CCDC195: variants seen among roughly 807,000 people sequenced by gnomAD.
The protein encoded by CCDC195 is coiled-coil domain-containing protein 195.
At chr2:224,705,171 G>A (rs1258867546) in intron 2 of CCDC195, among the ~76,000 whole-genome samples, 2 of 152,086 alleles carry the variant, frequency 1.3e-5, no homozygotes, top group Admixed American at 1.3e-4. Flanking sequence ...TGGAATTTTG[G>A]CCATCTGATT....
At chr2:224,710,446 T>G (rs570478571) in intron 1 of CCDC195, among the ~76,000 whole-genome samples, 1 of 152,280 alleles carries the variant, frequency 6.6e-6, no homozygotes, top group South Asian at 2.1e-4. Context: ...ATGGTGACCA[T>G]CCTGGCCAAT....
rs556725892 is a variant in CCDC195, at chr2:224,713,172, C to T, written c.236-2953G>A. Among the ~76,000 whole-genome samples the T allele has an allele frequency of 7.6e-4, 115 of 152,164 alleles. 4 individuals are homozygous for T. The South Asian group carries it at 0.023, about 30-fold the overall frequency. On this transcript the variant is annotated intron_variant, in intron 1 of 2. Transcript: ENST00000638102. ...GTGAGCCACTGTGCCTGGCCTCTAA[C>T]GTTCCTTTCTAGTAACAGATTTCTA... is the stretch of plus-strand genomic sequence containing the variant.
At chr2:224,709,948 C>A in intron 2 of CCDC195, 25 bp downstream of exon 2, 1 of 398,492 alleles carries the variant, frequency 2.5e-6, no homozygotes, top group South Asian at 1.3e-4. Flanking sequence ...GCCTATTCAC[C>A]AGCTTGAAGT....
rs557184115 is a variant in CCDC195 at position 224,710,722 on chromosome 2, A to T, written c.236-503T>A. 2.0e-5 allele frequency among the ~76,000 whole-genome samples: 3 copies of T among 152,332 alleles called. No homozygotes were observed. The South Asian group carries it at 6.2e-4, about 32-fold the overall frequency. On this transcript the variant is annotated intron_variant, in intron 1 of 2. Coordinates refer to ENST00000638102, the Ensembl canonical transcript of CCDC195. ...CCAACCATATGCCAGGATCTTTTTT[A>T]AAAGATGGGAATGTGGTAGAGAACA...
chr2:224,708,010 T>TCC (rs1559320333), intron 2 of CCDC195, among the ~76,000 whole-genome samples: 55 of 63,092 alleles, frequency 8.7e-4, no homozygotes, highest in African/African-American at 4.0e-3. Context: ...CTTCCTTCCT[T>TCC]TCTTCCTTCC....
At chr2:224,712,876 C>T (rs758540321) in intron 1 of CCDC195, among the ~76,000 whole-genome samples, 27 of 151,434 alleles carry the variant, frequency 1.8e-4, no homozygotes, top group Non-Finnish European at 3.5e-4. Flanking sequence ...CCTTCCTTCC[C>T]TCCTTCCTTT....
intron 1 of CCDC195, among the ~76,000 whole-genome samples, chr2:224,712,954 C>T (rs930003589): frequency 1.3e-4 from 20 of 152,006 alleles, no homozygotes; most frequent in East Asian, 9.7e-4. Context: ...CTGCAACTTC[C>T]GCCTCCCGGG....
intron 2 of CCDC195, among the ~76,000 whole-genome samples, chr2:224,706,906 T>TACAC (rs149946593): frequency 0.012 from 1,763 of 151,330 alleles, 16 homozygotes; most frequent in Non-Finnish European, 0.019. Flanking sequence ...TATATATATA[T>TACAC]ACACACACGC....
rs547602835 is a variant in CCDC195, at chr2:224,715,078, G to A, written c.235+1053C>T. On this transcript the variant is annotated intron_variant, in intron 1 of 2. Coordinates refer to ENST00000638102, the Ensembl canonical transcript of CCDC195. Reference sequence around the variant, plus strand: ...CCAGTAGCTGAGATTACAGGTGTGCGCCACCACGCCTGACTAATTTTTGTA... The same window carrying A: ...CCAGTAGCTGAGATTACAGGTGTGCACCACCACGCCTGACTAATTTTTGTA... Among the ~76,000 whole-genome samples the A allele has an allele frequency of 7.2e-5, 11 of 152,090 alleles. No individual in the cohort carries two copies. In the South Asian group the frequency reaches 1.0e-3, roughly 14 times the overall value.
intron 2 of CCDC195, among the ~76,000 whole-genome samples, chr2:224,706,372 G>A (rs10172123): frequency 1.3e-5 from 2 of 149,704 alleles, no homozygotes; most frequent in Admixed American, 6.7e-5. Flanking sequence ...ACCTGGCTAA[G>A]TTTTGTATTT....
chr2:224,704,610 C>CTTTTTTTT (rs55801561), intron 2 of CCDC195, among the ~76,000 whole-genome samples: 42 of 110,620 alleles, frequency 3.8e-4, no homozygotes, highest in East Asian at 5.6e-4. Context: ...CTTTTCTTTT[C>CTTTTTTTT]TTTTTTTTTT....
In CCDC195 at chr2:224,708,761, A is replaced by G. The variant is rs111340085; in HGVS notation, c.482+1212T>C. Among the ~76,000 whole-genome samples, 1,139 of 152,220 alleles carry G rather than the reference A, an allele frequency of 7.5e-3. 13 individuals are homozygous for G. The highest frequency in any genetic ancestry group is 0.026 in the African/African-American group (1,074 of 41,544). ...TGGTGCTCTGGGTCTCTCAACAATC[A>G]TATTTTTTGCATTTTCTCTTTCCCG... is the stretch of plus-strand genomic sequence containing the variant. On this transcript the variant is annotated intron_variant, in intron 2 of 2. Coordinates refer to ENST00000638102, the Ensembl canonical transcript of CCDC195.
chr2:224,703,850 C>T (rs1697207515), exon 3 of CCDC195: 3 of 398,460 alleles, frequency 7.5e-6, no homozygotes, highest in Non-Finnish European at 1.3e-5. Flanking sequence ...GAAGACATGT[C>T]CATGGGTAAC....
At chr2:224,715,778 C>A (rs935369809) in intron 1 of CCDC195, among the ~76,000 whole-genome samples, 1 of 152,066 alleles carries the variant, frequency 6.6e-6, no homozygotes, top group Non-Finnish European at 1.5e-5. Flanking sequence ...TATAAGTGTG[C>A]GTGCCATTTG....
intron 2 of CCDC195, among the ~76,000 whole-genome samples, chr2:224,704,963 C>G (rs945685378): frequency 1.3e-5 from 2 of 152,122 alleles, no homozygotes; most frequent in African/African-American, 4.8e-5. Context: ...CAGGCCAGTG[C>G]TTCCAAGCAC....
At chr2:224,714,030 C>T (rs1402649839) in intron 1 of CCDC195, among the ~76,000 whole-genome samples, 3 of 151,854 alleles carry the variant, frequency 2.0e-5, no homozygotes, top group African/African-American at 7.3e-5. Flanking sequence ...GTAGAGATGG[C>T]GGTCTCACTA....
At chr2:224,705,452 A>G (rs1697229925) in intron 2 of CCDC195, among the ~76,000 whole-genome samples, 2 of 152,194 alleles carry the variant, frequency 1.3e-5, no homozygotes, top group African/African-American at 2.4e-5. Flanking sequence ...AAATATTGAC[A>G]TTGGCATTAT....
chr2:224,711,825 T>C (rs945979335), intron 1 of CCDC195, among the ~76,000 whole-genome samples: 3 of 152,166 alleles, frequency 2.0e-5, no homozygotes, highest in Non-Finnish European at 2.9e-5. Flanking sequence ...GAAGACTGAA[T>C]TGTAGGAGAG....
intron 2 of CCDC195, among the ~76,000 whole-genome samples, chr2:224,704,836 C>A (rs576894812): frequency 6.6e-6 from 1 of 151,992 alleles, no homozygotes; most frequent in Non-Finnish European, 1.5e-5. Context: ...TGGCCAGGCT[C>A]GTCTTGAACT....
Sources: allele counts gnomAD v4.1 joint callset (sites outside exome capture counted in the v4.1 genomes callset), GRCh38; gene constraint gnomAD v4.1.1; transcripts MANE v1.5; gene names NCBI Gene and HGNC (gene_info 2026-07-23, HGNC 2026-07-21).